RBFOX1: variants seen among roughly 807,000 people sequenced by gnomAD.
The protein encoded by RBFOX1 is RNA binding protein fox-1 homolog 1.
RBFOX1 carries 8 observed loss-of-function variants against 57.7 expected under a neutral mutation model. The ratio of observed to expected loss-of-function variants is 0.14; its 90% CI spans 0.08 to 0.25. The LOEUF is 0.25. Ranked by LOEUF, RBFOX1 falls within the 10% of genes least tolerant of loss-of-function variation. The probability of loss-of-function intolerance (pLI) is 1.00; values close to 1 mark genes in which losing one functional copy is unlikely to be tolerated. For synonymous variants in RBFOX1, 326 were observed against 222.4 expected (o/e 1.47, Z -4.15); for missense variants, 611 against 548.5 (o/e 1.11, Z -1.14).
intron 3 of RBFOX1, among the ~76,000 whole-genome samples, chr16:7,031,214 G>A (rs2042703858): frequency 6.6e-6 from 1 of 152,158 alleles, no homozygotes; most frequent in African/African-American, 2.4e-5. Flanking sequence ...AAGCTTGGCT[G>A]CCTGGCCTGG....
chr16:6,724,847 G>C (rs11645966), intron 3 of RBFOX1, among the ~76,000 whole-genome samples: 6,151 of 152,016 alleles, frequency 0.04, 214 homozygotes, highest in Non-Finnish European at 0.058. Flanking sequence ...ACCTAGGTGT[G>C]CATTAGTTAT....
intron 4 of RBFOX1, among the ~76,000 whole-genome samples, chr16:7,446,795 G>GTTTTTTTT (rs1567209049): frequency 1.0e-4 from 13 of 128,136 alleles, no homozygotes; most frequent in African/African-American, 3.5e-4. Flanking sequence ...GGTAGGTCTA[G>GTTTTTTTT]GTATTTTTTT....
intron 3 of RBFOX1, among the ~76,000 whole-genome samples, chr16:7,011,305 C>T (rs992091381): frequency 5.9e-5 from 9 of 152,136 alleles, no homozygotes; most frequent in Non-Finnish European, 1.2e-4. Flanking sequence ...TCATCATTTT[C>T]ACTTTGCAGA....
intron 4 of RBFOX1, chr16:7,431,291 C>G (rs1242220716): frequency 6.6e-6 from 1 of 152,208 alleles, no homozygotes; most frequent in Non-Finnish European, 1.5e-5. Context: ...GTGGTGCAAT[C>G]ATAGAGCTCA....
chr16:7,586,696 G>A (rs2094144322), intron 6 of RBFOX1, among the ~76,000 whole-genome samples: 1 of 152,180 alleles, frequency 6.6e-6, no homozygotes, highest in Non-Finnish European at 1.5e-5. Context: ...GAGAATTTCA[G>A]CCCAAGCACT....
At chr16:6,311,987 C>T (rs1479771498) in intron 1 of RBFOX1, among the ~76,000 whole-genome samples, 1 of 152,166 alleles carries the variant, frequency 6.6e-6, no homozygotes, top group East Asian at 1.9e-4. Context: ...TGAATGAGGT[C>T]AGGGGCTGCT....
At chr16:6,843,816 G>C (rs989791875) in intron 3 of RBFOX1, among the ~76,000 whole-genome samples, 1 of 152,124 alleles carries the variant, frequency 6.6e-6, no homozygotes, top group African/African-American at 2.4e-5. Context: ...ACAAAAACAA[G>C]ATTTGACCCT....
At chr16:7,088,991 G>A (rs904967228) in intron 4 of RBFOX1, among the ~76,000 whole-genome samples, 2 of 152,132 alleles carry the variant, frequency 1.3e-5, no homozygotes, top group Non-Finnish European at 1.5e-5. Flanking sequence ...AGGCCTTTTT[G>A]TTGAATTCTT....
rs150170264 is a variant in RBFOX1, at chr16:6,210,258, C to T, written c.-126-106737C>T. Among the ~76,000 whole-genome samples, 57 of 140,544 alleles carry T rather than the reference C, an allele frequency of 4.1e-4. 1 individual carries two copies. Among genetic ancestry groups the T allele is most frequent in the Non-Finnish European group, 6.0e-5 (4 of 66,578 alleles). 92.2% of individuals were successfully genotyped at this position (140,544 alleles called of 152,430 possible). A position where few individuals can be genotyped will look rare whatever the true frequency, so the allele number is the denominator to read the frequency against. ...AACTGCACCCAGGAGGTAGAAATTGCAGTAAGCTGAGATCACGCATTGCAT... is the reference window on the plus strand; with the variant it reads ...AACTGCACCCAGGAGGTAGAAATTGTAGTAAGCTGAGATCACGCATTGCAT... On this transcript the variant is annotated intron_variant, in intron 1 of 15. Coordinates refer to ENST00000550418, the MANE Select transcript of RBFOX1 (RefSeq NM_018723.4).
At chr16:5,498,334 G>C (rs1041223802) in intron 2 of RBFOX1, among the ~76,000 whole-genome samples, 2 of 152,154 alleles carry the variant, frequency 1.3e-5, no homozygotes, top group Non-Finnish European at 2.9e-5. Flanking sequence ...AGTAGAGACA[G>C]GGTTTCACCA....
At chr16:6,903,924 A>T (rs2069110048) in intron 3 of RBFOX1, among the ~76,000 whole-genome samples, 1 of 152,116 alleles carries the variant, frequency 6.6e-6, no homozygotes, top group South Asian at 2.1e-4. Flanking sequence ...GATGTTTAGT[A>T]ATTAAAGGAG....
intron 4 of RBFOX1, among the ~76,000 whole-genome samples, chr16:7,339,810 A>G (rs1487000787): frequency 6.6e-6 from 1 of 151,988 alleles, no homozygotes; most frequent in Non-Finnish European, 1.5e-5. Flanking sequence ...TTAAAGGGGG[A>G]AAAAAAGCAT....
At position 7,415,486 on chromosome 16, in the gene RBFOX1, A is replaced by G. The variant is rs115492127; in HGVS notation, c.28-102661A>G. ...ACGGACCAACCTATGGAGAAGGCAG[A>G]CAGAATGGCAATGTGGAATAAGCAC... On this transcript the variant is annotated intron_variant, in intron 4 of 15. Coordinates refer to ENST00000550418, the MANE Select transcript of RBFOX1 (RefSeq NM_018723.4). Among the ~76,000 whole-genome samples, 575 of 152,324 alleles carry G rather than the reference A, an allele frequency of 3.8e-3. 3 individuals carry two copies. Among genetic ancestry groups the G allele is most frequent in the African/African-American group, 0.013 (551 of 41,564 alleles).
intron 3 of RBFOX1, among the ~76,000 whole-genome samples, chr16:5,614,423 G>A (rs2047942981): frequency 6.6e-6 from 1 of 152,058 alleles, no homozygotes; most frequent in South Asian, 2.1e-4. Context: ...CTCAATTTCA[G>A]TTCACTGGCA....
intron 4 of RBFOX1, among the ~76,000 whole-genome samples, chr16:7,466,973 C>T (rs898608102): frequency 6.6e-6 from 1 of 152,162 alleles, no homozygotes; most frequent in Non-Finnish European, 1.5e-5. Context: ...CCACTCTGCT[C>T]CAGGGCCCTG....
chr16:6,999,225 A>ATTTTATTTTAT (rs200620958), intron 3 of RBFOX1, among the ~76,000 whole-genome samples: 51 of 122,942 alleles, frequency 4.1e-4, no homozygotes, highest in African/African-American at 1.4e-3. Flanking sequence ...TATTTTTTTT[A>ATTTTATTTTAT]TTTATTTTTT....
At chr16:7,599,136 GC>G (rs1602982424) in intron 9 of RBFOX1, among the ~76,000 whole-genome samples, 1 of 152,306 alleles carries the variant, frequency 6.6e-6, no homozygotes, top group East Asian at 1.9e-4. Context: ...GACTTTAAAT[GC>G]CCAGTGCTGA....
intron 3 of RBFOX1, among the ~76,000 whole-genome samples, chr16:6,659,994 G>A (rs919587794): frequency 6.6e-6 from 1 of 152,050 alleles, no homozygotes; most frequent in Non-Finnish European, 1.5e-5. Context: ...ACTTTTGGAG[G>A]GTGAGGCGGC....
chr16:7,256,681 G>A (rs2094698791), intron 4 of RBFOX1, among the ~76,000 whole-genome samples: 1 of 152,138 alleles, frequency 6.6e-6, no homozygotes, highest in Admixed American at 6.5e-5. Context: ...CACCCCTTTA[G>A]GGTAAATAAT....
Sources: gnomAD v4.1 joint callset for allele counts (sites outside exome capture counted in the v4.1 genomes callset) on GRCh38, gnomAD v4.1.1 for gene constraint, MANE v1.5 for transcripts, NCBI Gene and HGNC (gene_info 2026-07-23, HGNC 2026-07-21) for gene names.